Variants in SLC44A3 observed in about 807,000 individuals in gnomAD.
SLC44A3 encodes choline transporter-like protein 3.
In SLC44A3, 74 loss-of-function variants were observed where a neutral mutation model predicts 75.4. The ratio of observed to expected loss-of-function variants is 0.98; its 90% confidence interval spans 0.81 to 1.19. The LOEUF (loss-of-function observed/expected upper bound fraction) is 1.19, where lower values mean the gene tolerates loss of function less well. Ranked by LOEUF, SLC44A3 falls within the 50% of genes most tolerant of loss-of-function variation. The pLI, the probability that SLC44A3 is intolerant of heterozygous loss-of-function variation, is 0.00. For synonymous variants in SLC44A3, 310 were observed against 296.9 expected, an observed-to-expected ratio of 1.04 and a Z score of -0.45; for missense variants, 700 against 778.6, an observed-to-expected ratio of 0.90 and a Z score of 1.20.
In SLC44A3 at chr1:94,892,443, CTG is replaced by C. The variant is rs1670323590; in HGVS notation, c.1787_1788del (p.Cys596PhefsTer4). 6.2e-7 allele frequency: 1 copy of C among 1,614,076 alleles called. No homozygotes were observed. The highest frequency in any genetic ancestry group is 8.5e-7 in the Non-Finnish European group (1 of 1,180,046). On this transcript the variant is annotated frameshift_variant, in exon 14 of 15. Transcript: ENST00000271227. LOFTEE classifies it high-confidence loss of function. ...TGAAACTGTGCTGGATGCACTTTTC[CTG>C]TGTTTTGCTGTTGATCTGGAAACAA... Reference protein sequence around the residue: ...VFETVLDALFLCFAVDLETND... With the variant: ...VFETVLDALFXCFAVDLETND...
At position 94,823,900 on chromosome 1, in the gene SLC44A3, TG is replaced by T. The variant is rs375119158; in HGVS notation, c.136-591del. The stretch of plus-strand genomic sequence containing the variant: ...AAATATTCCACATTCACTATGAGAG[TG>T]GATAAAAATGATGATAGATTGCAAG... On this transcript the variant is annotated intron_variant, in intron 2 of 14. Transcript: ENST00000271227. Among the ~76,000 whole-genome samples, 3 of 151,746 alleles carry T rather than the reference TG, an allele frequency of 2.0e-5. No individual in the cohort carries two copies. In the South Asian group the frequency reaches 6.2e-4, roughly 32 times the overall value.
chr1:94,854,835 G>A (rs1349840161), intron 9 of SLC44A3, among the ~76,000 whole-genome samples: 2 of 151,734 alleles, frequency 1.3e-5, no homozygotes, highest in Non-Finnish European at 2.9e-5. Flanking sequence ...CATCTGTGTA[G>A]AGAGGCGAGG....
intron 12 of SLC44A3, among the ~76,000 whole-genome samples, chr1:94,874,604 T>A (rs1422701875): frequency 2.6e-5 from 4 of 152,198 alleles, no homozygotes; most frequent in Non-Finnish European, 5.9e-5. Context: ...TGCGAGGCAA[T>A]TGAGTGGTCA....
rs549029170 is a variant in SLC44A3 at position 94,820,802 on chromosome 1, G to C, written c.28-147G>C. ...TCAAAGGCTGTGTGAAAGAGCTTCAGGTGGCCACGTAAAAAAATAATATTA... is the reference window on the plus strand; with the variant it reads ...TCAAAGGCTGTGTGAAAGAGCTTCACGTGGCCACGTAAAAAAATAATATTA... On this transcript the variant is annotated intron_variant, in intron 1 of 14. Transcript: ENST00000271227. The C allele has an allele frequency of 6.1e-6, 8 of 1,318,694 alleles. No individual in the cohort carries two copies. In the Admixed American group the frequency reaches 1.4e-4, roughly 24 times the overall value. 81.7% of individuals were successfully genotyped at this position (1,318,694 alleles called of 1,614,324 possible). A position where few individuals can be genotyped will look rare whatever the true frequency, so the allele number is the denominator to read the frequency against.
chr1:94,834,198 G>A (rs1662488907), intron 5 of SLC44A3, among the ~76,000 whole-genome samples: 1 of 150,180 alleles, frequency 6.7e-6, no homozygotes, highest in East Asian at 1.9e-4. Context: ...CTAATCATTG[G>A]TCTTCAAGGG....
intron 14 of SLC44A3, among the ~76,000 whole-genome samples, chr1:94,893,379 A>G (rs1162454877): frequency 2.0e-5 from 3 of 151,342 alleles, no homozygotes; most frequent in Non-Finnish European, 4.4e-5. Flanking sequence ...CATAAACTAC[A>G]AATTTTACTT....
chr1:94,842,046 C>T lies in SLC44A3; in HGVS notation c.807C>T (p.Asp269=), dbSNP rs1663722803. The change falls in exon 8 of 15, where the codon GAC becomes GAT. Residue 269 remains aspartate, a synonymous_variant. Transcript: ENST00000271227. ...GGCTGTATTATGACTATACCAACGA[C>T]CTCAGCATAGAATTGGACACAGAAA... ...LWWLYYDYTN[D]LSIELDTERE... 1.2e-6 allele frequency: 2 copies of T among 1,613,576 alleles called. No individual in the cohort carries two copies. Among genetic ancestry groups the T allele is most frequent in the East Asian group, 4.5e-5 (2 of 44,822 alleles).
intron 9 of SLC44A3, among the ~76,000 whole-genome samples, chr1:94,852,788 T>C (rs1665383681): frequency 6.6e-6 from 1 of 152,100 alleles, no homozygotes; most frequent in South Asian, 2.1e-4. Flanking sequence ...GAAAGAGGAG[T>C]TGGAGAAGAC....
chr1:94,884,660 C>T (rs1036410682), intron 12 of SLC44A3, among the ~76,000 whole-genome samples: 3 of 152,124 alleles, frequency 2.0e-5, no homozygotes, highest in Non-Finnish European at 4.4e-5. Flanking sequence ...GAGGGAAACT[C>T]TGTTTACCTT....
intron 10 of SLC44A3, among the ~76,000 whole-genome samples, chr1:94,862,365 G>A (rs957490384): frequency 1.3e-5 from 2 of 152,200 alleles, no homozygotes; most frequent in African/African-American, 4.8e-5. Flanking sequence ...GATCTAACTA[G>A]AGCCAAAGCT....
At chr1:94,848,079 C>T (rs989053771) in intron 9 of SLC44A3, among the ~76,000 whole-genome samples, 14 of 151,968 alleles carry the variant, frequency 9.2e-5, no homozygotes, top group African/African-American at 3.4e-4. Context: ...ATACAGAAAA[C>T]TTAGCCGGGC....
intron 9 of SLC44A3, among the ~76,000 whole-genome samples, chr1:94,854,903 C>T (rs1328329964): frequency 6.6e-6 from 1 of 151,980 alleles, no homozygotes; most frequent in Non-Finnish European, 1.5e-5. Flanking sequence ...CCAGCCCCAG[C>T]GAAGATCTGG....
intron 5 of SLC44A3, among the ~76,000 whole-genome samples, chr1:94,831,791 C>T (rs1190989597): frequency 6.6e-6 from 1 of 152,148 alleles, no homozygotes; most frequent in Non-Finnish European, 1.5e-5. Flanking sequence ...GGCAGCTTAC[C>T]CAATGACTTC....
chr1:94,863,572 G>A (rs967826472), intron 10 of SLC44A3, among the ~76,000 whole-genome samples: 1 of 152,152 alleles, frequency 6.6e-6, no homozygotes, highest in Non-Finnish European at 1.5e-5. Context: ...AAAAAAAAGT[G>A]TGTCAGATTT....
At chr1:94,824,078 CA>C (rs143686729) in intron 2 of SLC44A3, among the ~76,000 whole-genome samples, 11 of 137,006 alleles carry the variant, frequency 8.0e-5, no homozygotes, top group Admixed American at 2.2e-4. Flanking sequence ...AAAAGAAAAA[CA>C]AAAAAAGTAG....
intron 12 of SLC44A3, among the ~76,000 whole-genome samples, chr1:94,873,911 G>C (rs1668017162): frequency 6.6e-6 from 1 of 152,174 alleles, no homozygotes; most frequent in Non-Finnish European, 1.5e-5. Flanking sequence ...GCCATAATAG[G>C]TAGTCTCATC....
In SLC44A3 at chr1:94,857,868, C is replaced by T. The variant is rs532771684; in HGVS notation, c.1238+368C>T. Among the ~76,000 whole-genome samples the T allele has an allele frequency of 3.1e-5, 4 of 129,194 alleles. No homozygotes were observed. The Admixed American group carries it at 3.9e-4, about 13-fold the overall frequency. The allele number at this position is 129,194 out of a possible 152,430, so 84.8% of individuals were successfully genotyped here. On this transcript the variant is annotated intron_variant, in intron 10 of 14. Transcript: ENST00000271227. ...TTGCTCTGTCATCCAGGCTGGAGTG[C>T]AGTGGCGCGATCTTGGCTCACTGCA...
chr1:94,839,532 G>A (rs1375853201), intron 6 of SLC44A3, among the ~76,000 whole-genome samples: 2 of 152,062 alleles, frequency 1.3e-5, no homozygotes, highest in African/African-American at 2.4e-5. Flanking sequence ...GGGATTACAG[G>A]TGCCCGCCAC....
intron 9 of SLC44A3, among the ~76,000 whole-genome samples, chr1:94,851,786 G>T (rs1665245920): frequency 6.6e-6 from 1 of 152,242 alleles, no homozygotes; most frequent in Admixed American, 6.5e-5. Flanking sequence ...GGGCCAGTTT[G>T]CTGGACAAGG....
Sources: gnomAD v4.1 joint callset for allele counts (sites outside exome capture counted in the v4.1 genomes callset) on GRCh38, gnomAD v4.1.1 for gene constraint, MANE v1.5 for transcripts, NCBI Gene and HGNC (gene_info 2026-07-23, HGNC 2026-07-21) for gene names.